The following PKP4 variants were observed in gnomAD, a reference collection of about 807,000 sequenced individuals.
PKP4 encodes plakophilin 4, also known as plakophilin-4.
PKP4 carries 90 observed loss-of-function variants against 145.1 expected under a neutral mutation model. That is an observed-to-expected ratio of 0.62 (90% CI 0.52 to 0.74). PKP4 has a LOEUF of 0.74. Among genes scored for constraint, PKP4 ranks in the 30% least tolerant of loss-of-function variants. The pLI is 0.00. For synonymous variants in PKP4, 563 were observed against 577.2 expected (o/e 0.98, Z 0.35); for missense variants, 1,340 against 1,482.7 (o/e 0.90, Z 1.58).
intron 8 of PKP4, among the ~76,000 whole-genome samples, chr2:158,633,812 TC>T (rs1366132769): frequency 1.3e-5 from 2 of 152,356 alleles, no homozygotes; most frequent in African/African-American, 4.8e-5. Flanking sequence ...TTACTGAACC[TC>T]AATGAACATA....
chr2:158,571,270 C>T (rs1184101765), intron 2 of PKP4, among the ~76,000 whole-genome samples: 1 of 152,118 alleles, frequency 6.6e-6, no homozygotes, highest in African/African-American at 2.4e-5. Context: ...AGCTTTTGCA[C>T]ATATTTGGAA....
At chr2:158,579,543 C>T (rs1023575009) in intron 3 of PKP4, among the ~76,000 whole-genome samples, 1 of 151,612 alleles carries the variant, frequency 6.6e-6, no homozygotes, top group African/African-American at 2.4e-5. Context: ...AGTCCAAGAA[C>T]TGGATACCAT....
At chr2:158,680,079 C>T (rs962124458) in intron 21 of PKP4, among the ~76,000 whole-genome samples, 1 of 152,208 alleles carries the variant, frequency 6.6e-6, no homozygotes, top group African/African-American at 2.4e-5. Context: ...TCCTCTCATT[C>T]GGCATGCCCA....
intron 7 of PKP4, among the ~76,000 whole-genome samples, chr2:158,628,678 T>C (rs1205204483): frequency 2.0e-5 from 3 of 152,250 alleles, no homozygotes; most frequent in East Asian, 3.8e-4. Flanking sequence ...TTTTGTTACC[T>C]TTCTCATGAA....
chr2:158,601,296 G>T (rs546240000), intron 3 of PKP4, among the ~76,000 whole-genome samples: 4 of 152,170 alleles, frequency 2.6e-5, no homozygotes, highest in African/African-American at 9.6e-5. Flanking sequence ...TAATATTCCC[G>T]AGAAACTTGA....
At chr2:158,582,523 C>A (rs60312492) in intron 3 of PKP4, among the ~76,000 whole-genome samples, 1 of 152,104 alleles carries the variant, frequency 6.6e-6, no homozygotes, top group South Asian at 2.1e-4. Context: ...CTCTGAGTGA[C>A]CTAATAGCCA....
intron 1 of PKP4, among the ~76,000 whole-genome samples, chr2:158,490,662 A>C (rs1694810802): frequency 6.6e-6 from 1 of 152,208 alleles, no homozygotes; most frequent in Admixed American, 6.5e-5. Flanking sequence ...AATAATTTTA[A>C]ACATTGATTT....
At chr2:158,605,198 T>C (rs1169253150) in intron 4 of PKP4, among the ~76,000 whole-genome samples, 1 of 152,184 alleles carries the variant, frequency 6.6e-6, no homozygotes, top group Non-Finnish European at 1.5e-5. Context: ...GAATAGTAAA[T>C]GCTGCTTTAC....
At chr2:158,657,628 G>A (rs1299795646) in intron 11 of PKP4, among the ~76,000 whole-genome samples, 6 of 152,274 alleles carry the variant, frequency 3.9e-5, no homozygotes, top group African/African-American at 9.6e-5. Flanking sequence ...CTTTCTGATA[G>A]CAAAAGTAAG....
chr2:158,556,430 A>G (rs2046094484), intron 2 of PKP4, among the ~76,000 whole-genome samples: 1 of 152,148 alleles, frequency 6.6e-6, no homozygotes, highest in African/African-American at 2.4e-5. Context: ...TCAATTAGAT[A>G]TATTGACAAA....
At chr2:158,498,087 GC>G (rs1379370460) in intron 1 of PKP4, among the ~76,000 whole-genome samples, 1 of 152,202 alleles carries the variant, frequency 6.6e-6, no homozygotes, top group Non-Finnish European at 1.5e-5. Flanking sequence ...TTGGATGCCT[GC>G]ACTGAGGCAA....
chr2:158,564,361 T>C (rs2046799417), intron 2 of PKP4, among the ~76,000 whole-genome samples: 1 of 152,176 alleles, frequency 6.6e-6, no homozygotes, highest in Non-Finnish European at 1.5e-5. Context: ...CTCATTCTTT[T>C]GAATAAGGAT....
chr2:158,459,146 C>T (rs1467770001), intron 1 of PKP4, among the ~76,000 whole-genome samples: 12 of 152,230 alleles, frequency 7.9e-5, no homozygotes, highest in Non-Finnish European at 4.4e-5. Context: ...TTCTTGAATG[C>T]AGTATATTGC....
At chr2:158,628,432 A>G (rs2053027074) in intron 7 of PKP4, among the ~76,000 whole-genome samples, 1 of 152,172 alleles carries the variant, frequency 6.6e-6, no homozygotes, top group Admixed American at 6.5e-5. Flanking sequence ...AATCTATAGG[A>G]CTGTGTACTT....
chr2:158,559,452 G>A (rs2046345620), intron 2 of PKP4, among the ~76,000 whole-genome samples: 1 of 152,084 alleles, frequency 6.6e-6, no homozygotes, highest in African/African-American at 2.4e-5. Flanking sequence ...CCTGGGGAGG[G>A]TATGGGCCAG....
chr2:158,608,998 T>C (rs2050896736), intron 4 of PKP4, among the ~76,000 whole-genome samples: 1 of 151,622 alleles, frequency 6.6e-6, no homozygotes, highest in Non-Finnish European at 1.5e-5. Context: ...TTTTTTTAAA[T>C]TACAGACAGG....
intron 1 of PKP4, among the ~76,000 whole-genome samples, chr2:158,503,227 T>G (rs904903288): frequency 6.6e-6 from 1 of 152,256 alleles, no homozygotes; most frequent in Non-Finnish European, 1.5e-5. Flanking sequence ...TATCAACTCA[T>G]GTAGAAGATA....
At chr2:158,551,088 TATTA>T (rs562678088) in intron 2 of PKP4, among the ~76,000 whole-genome samples, 74 of 152,378 alleles carry the variant, frequency 4.9e-4, no homozygotes, top group Middle Eastern at 3.4e-3. Context: ...CACTATTAAG[TATTA>T]ATTATTATTC....
At chr2:158,555,760 G>A (rs569836632) in intron 2 of PKP4, among the ~76,000 whole-genome samples, 4 of 152,204 alleles carry the variant, frequency 2.6e-5, no homozygotes, top group East Asian at 3.9e-4. Flanking sequence ...GATATAATTC[G>A]TAGGGTGGCT....
Sources: gnomAD v4.1 joint callset for allele counts (sites outside exome capture counted in the v4.1 genomes callset) on GRCh38, gnomAD v4.1.1 for gene constraint, MANE v1.5 for transcripts, NCBI Gene and HGNC (gene_info 2026-07-23, HGNC 2026-07-21) for gene names.